Variants in CHAF1B observed in about 807,000 individuals in gnomAD.
CHAF1B encodes chromatin assembly factor 1 subunit B, also known as CAF-1 subunit B.
CHAF1B carries 10 observed loss-of-function variants against 60.7 expected under a neutral mutation model. The observed-to-expected ratio is 0.16, with a 90% CI of 0.10 to 0.28. The LOEUF (loss-of-function observed/expected upper bound fraction) is 0.28. Among genes scored for constraint, CHAF1B ranks in the 10% least tolerant of loss-of-function variants. The pLI, the probability that CHAF1B is intolerant of heterozygous loss-of-function variation, is 1.00. For synonymous variants in CHAF1B, 261 were observed against 266.1 expected (o/e 0.98, Z 0.19); for missense variants, 558 against 708.4 (o/e 0.79, Z 2.41).
At chr21:36,394,978 G>A (rs1008613864) in intron 5 of CHAF1B, among the ~76,000 whole-genome samples, 1 of 151,546 alleles carries the variant, frequency 6.6e-6, no homozygotes, top group African/African-American at 2.4e-5. Flanking sequence ...TGATCTGCCC[G>A]CCTCAGCCTC....
At chr21:36,404,434 T>C (rs2086219467) in intron 8 of CHAF1B, among the ~76,000 whole-genome samples, 1 of 149,480 alleles carries the variant, frequency 6.7e-6, no homozygotes, top group African/African-American at 2.4e-5. Flanking sequence ...TTTATTTATT[T>C]ATTAATTTAT....
Position 36,416,287 on chromosome 21 carries a change from A to T in CHAF1B, c.1601A>T (p.Asp534Val), listed in dbSNP as rs1404558740. The change falls in exon 14 of 14, where the codon GAC becomes GTC. Residue 534 changes from aspartate (D) to valine (V), a missense_variant. Physicochemically the swap from Asp to Val is radical, Grantham distance 152 (BLOSUM62 -3). This residue lies in a region of CHAF1B where 233 missense variants were observed against 214.9 expected (regional missense o/e 1.08). Transcript: ENST00000314103. Reference sequence around the variant, plus strand: ...GTTAATGTTGCAGAGACGCCTGGAGACGCTCAGGGCAGTCCCCCAGAGCTA... The same window carrying T: ...GTTAATGTTGCAGAGACGCCTGGAGTCGCTCAGGGCAGTCCCCCAGAGCTA... ...TEEIQSETPG[D>V]AQGSPPELKR... 1 of 1,613,552 alleles carries T rather than the reference A, an allele frequency of 6.2e-7. No homozygotes were observed. The highest frequency in any genetic ancestry group is 2.2e-5 in the East Asian group (1 of 44,872).
chr21:36,406,412 A>G (rs987648519), intron 8 of CHAF1B, among the ~76,000 whole-genome samples: 1 of 152,086 alleles, frequency 6.6e-6, no homozygotes, highest in Non-Finnish European at 1.5e-5. Context: ...CAGCCTCCCA[A>G]GTAGCTGGGA....
At chr21:36,412,788 TCAAA>T in intron 11 of CHAF1B, 92 bp from the exon 12 acceptor site, 1 of 1,218,864 alleles carries the variant, frequency 8.2e-7, no homozygotes, top group South Asian at 1.5e-5. Flanking sequence ...GTTTTTGCCT[TCAAA>T]CAAGCTTGTG....
intron 8 of CHAF1B, among the ~76,000 whole-genome samples, chr21:36,408,537 C>A (rs1568818595): frequency 6.6e-6 from 1 of 152,160 alleles, no homozygotes; most frequent in East Asian, 1.9e-4. Context: ...GGGGATTGCC[C>A]ACAGGTAGGT....
chr21:36,402,269 G>A (rs755576076), intron 7 of CHAF1B, among the ~76,000 whole-genome samples: 5 of 152,024 alleles, frequency 3.3e-5, no homozygotes, highest in Non-Finnish European at 7.3e-5. Flanking sequence ...CTATGATTGC[G>A]CCACTGCACT....
At position 36,411,243 on chromosome 21, in the gene CHAF1B, A is replaced by C. The variant is rs887220118; in HGVS notation, c.920-220A>C. 5.3e-5 allele frequency among the ~76,000 whole-genome samples: 8 copies of C among 151,462 alleles called. No homozygotes were observed. The East Asian group carries it at 1.6e-3, about 30-fold the overall frequency. On this transcript the variant is annotated intron_variant, in intron 10 of 13. Transcript: ENST00000314103. ...ATTCTCCTGTCTCAGCCTCCTGAGT[A>C]GTTGGTACTACAGGCACACACCCCC...
intron 5 of CHAF1B, among the ~76,000 whole-genome samples, chr21:36,396,913 T>G (rs1221129681): frequency 6.6e-6 from 1 of 152,188 alleles, no homozygotes; most frequent in African/African-American, 2.4e-5. Flanking sequence ...AGCCTTTTCC[T>G]TACACACAAG....
intron 8 of CHAF1B, among the ~76,000 whole-genome samples, chr21:36,405,374 A>G (rs941279411): frequency 6.6e-6 from 1 of 152,134 alleles, no homozygotes; most frequent in Non-Finnish European, 1.5e-5. Flanking sequence ...GAAGGAGGAG[A>G]AATATTTCAT....
intron 11 of CHAF1B, among the ~76,000 whole-genome samples, chr21:36,412,475 T>G (rs1194172075): frequency 6.6e-6 from 1 of 152,064 alleles, no homozygotes; most frequent in Non-Finnish European, 1.5e-5. Context: ...TTCTCCTGCC[T>G]CAGCCTCCCG....
At chr21:36,394,730 CTTTTTTT>C (rs370521957) in intron 5 of CHAF1B, 80 bp downstream of exon 5, 5 of 538,886 alleles carry the variant, frequency 9.3e-6, no homozygotes, top group East Asian at 4.2e-5. Flanking sequence ...CTTGCTTTAA[CTTTTTTT>C]TTTTTTTTTT....
rs981268302 is a variant in CHAF1B at position 36,399,441 on chromosome 21, G to A, written c.579-80G>A. On this transcript the variant is annotated intron_variant, in intron 6 of 13. Coordinates refer to ENST00000314103, the MANE Select transcript of CHAF1B (RefSeq NM_005441.3). Reference sequence around the variant, plus strand: ...GCTGAAAACTGTTGCGGTGGTAATAGGCTGTTGGTAATAAGTTGTTTCTGT... The same window carrying A: ...GCTGAAAACTGTTGCGGTGGTAATAAGCTGTTGGTAATAAGTTGTTTCTGT... The A allele has an allele frequency of 6.7e-6, 8 of 1,201,378 alleles. No homozygotes were observed. In the South Asian group the frequency reaches 8.9e-5, roughly 13 times the overall value. The allele number at this position is 1,201,378 out of a possible 1,614,324, so 74.4% of individuals were successfully genotyped here.
intron 9 of CHAF1B, 93 bp from the exon 10 acceptor site, chr21:36,409,281 G>A (rs1244523316): frequency 2.3e-6 from 2 of 886,796 alleles, no homozygotes; most frequent in African/African-American, 1.7e-5. Flanking sequence ...GTTTATAGGT[G>A]TGAGCCACCG....
chr21:36,395,643 C>G (rs2086131990), intron 5 of CHAF1B, among the ~76,000 whole-genome samples: 1 of 152,156 alleles, frequency 6.6e-6, no homozygotes, highest in Admixed American at 6.5e-5. Context: ...TAGGTGGGAT[C>G]AGGTTTCCAT....
At chr21:36,392,805 G>C (rs555205898) in intron 4 of CHAF1B, among the ~76,000 whole-genome samples, 8 of 152,092 alleles carry the variant, frequency 5.3e-5, no homozygotes, top group African/African-American at 1.9e-4. Flanking sequence ...CTTCCTAGAC[G>C]GGGTGGCGGC....
intron 12 of CHAF1B, 65 bp downstream of exon 12, chr21:36,413,380 C>T: frequency 1.4e-6 from 2 of 1,438,078 alleles, no homozygotes; most frequent in Non-Finnish European, 1.9e-6. Flanking sequence ...AGAACGCTCC[C>T]ACCCTGCTGC....
chr21:36,391,695 A>G (rs775456402), intron 4 of CHAF1B, 27 bp downstream of exon 4: 1 of 1,403,298 alleles, frequency 7.1e-7, no homozygotes, highest in Non-Finnish European at 1.0e-6. Flanking sequence ...CATGGCAGTG[A>G]TCTCTGTTTA....
At chr21:36,415,546 C>T (rs374028841) in intron 13 of CHAF1B, among the ~76,000 whole-genome samples, 157 bp downstream of exon 13, 2 of 152,114 alleles carry the variant, frequency 1.3e-5, no homozygotes, top group Admixed American at 6.6e-5. Context: ...TGCCTGTTTA[C>T]GCCTCAGCAG....
chr21:36,393,286 C>T (rs948406640), intron 4 of CHAF1B, among the ~76,000 whole-genome samples: 1 of 152,000 alleles, frequency 6.6e-6, no homozygotes, highest in Admixed American at 6.6e-5. Context: ...CAGGGTCTCA[C>T]TATGTTGCCC....
Sources: allele counts gnomAD v4.1 joint callset (sites outside exome capture counted in the v4.1 genomes callset), GRCh38; gene constraint gnomAD v4.1.1; regional missense constraint gnomAD v4.1.1; transcripts MANE v1.5; gene names NCBI Gene and HGNC (gene_info 2026-07-23, HGNC 2026-07-21).